RBL1: variants seen among roughly 807,000 people sequenced by gnomAD.
RBL1 encodes retinoblastoma-like protein 1.
In RBL1, 82 loss-of-function variants were observed where a neutral mutation model predicts 123.0. The observed-to-expected ratio is 0.67, with a 90% CI of 0.56 to 0.80. The LOEUF is 0.80. Ranked by LOEUF, RBL1 falls within the 30% of genes least tolerant of loss-of-function variation. The pLI, the probability that RBL1 is intolerant of heterozygous loss-of-function variation, is 0.00. For synonymous variants in RBL1, 405 were observed against 441.3 expected, an observed-to-expected ratio of 0.92 and a Z score of 1.03; for missense variants, 1,171 against 1,299.6, an observed-to-expected ratio of 0.90 and a Z score of 1.52.
chr20:37,018,959 A>G (rs967241615), intron 18 of RBL1, among the ~76,000 whole-genome samples: 31 of 152,262 alleles, frequency 2.0e-4, no homozygotes, highest in Non-Finnish European at 7.4e-5. Context: ...ATACAAAACA[A>G]AATAAAACAA....
intron 3 of RBL1, 33 bp downstream of exon 3, chr20:37,067,953 T>C: frequency 3.8e-6 from 6 of 1,593,040 alleles, no homozygotes; most frequent in Non-Finnish European, 5.1e-6. Context: ...TATCATAATC[T>C]TTATGTCAAT....
intron 1 of RBL1, among the ~76,000 whole-genome samples, chr20:37,090,783 G>A (rs962561887): frequency 3.9e-5 from 6 of 152,118 alleles, no homozygotes; most frequent in African/African-American, 1.4e-4. Flanking sequence ...ACTAAATACT[G>A]TTGGTAAATG....
rs1476043222 is a variant in RBL1, at chr20:37,068,030, A to G, written c.447T>C (p.Asn149=). 1 of 1,613,636 alleles carries G rather than the reference A, an allele frequency of 6.2e-7. No individual in the cohort carries two copies. The change falls in exon 3 of 22, where the codon AAT becomes AAC. Residue 149 remains asparagine (N), a synonymous_variant. Transcript: ENST00000373664. ...YEPIFLDIFQ[N]PYEEPPKLPR... ...GTAACTTTGGTGGTTCTTCATATGG[A>G]TTTTGAAATATATCTAAAAAAATTG...
intron 21 of RBL1, 122 bp from the exon 22 acceptor site, chr20:36,999,051 G>T (rs1293376934): frequency 3.3e-6 from 3 of 908,830 alleles, no homozygotes; most frequent in Admixed American, 2.8e-5. Flanking sequence ...CTGGGATAAG[G>T]ACTCTTTTTA....
At chr20:37,036,212 T>G (rs1022919815) in intron 14 of RBL1, among the ~76,000 whole-genome samples, 1 of 152,208 alleles carries the variant, frequency 6.6e-6, no homozygotes, top group South Asian at 2.1e-4. Flanking sequence ...TCTACATCTT[T>G]TTTCACAATT....
intron 2 of RBL1, among the ~76,000 whole-genome samples, chr20:37,086,512 C>G (rs1461635942): frequency 6.6e-6 from 1 of 151,804 alleles, no homozygotes; most frequent in African/African-American, 2.4e-5. Context: ...TGCACTCCAG[C>G]CGGGGCAACA....
intron 2 of RBL1, among the ~76,000 whole-genome samples, chr20:37,083,008 T>A (rs2065476378): frequency 1.3e-5 from 2 of 151,876 alleles, no homozygotes; most frequent in Admixed American, 1.3e-4. Context: ...ACTCAAATAA[T>A]AATAAAAGTT....
intron 2 of RBL1, among the ~76,000 whole-genome samples, chr20:37,074,066 G>A (rs1367178092): frequency 6.6e-6 from 1 of 151,932 alleles, no homozygotes; most frequent in Non-Finnish European, 1.5e-5. Flanking sequence ...AGCTGAGATC[G>A]CGCCACTGCA....
chr20:37,085,677 G>A (rs1327917482), intron 2 of RBL1, among the ~76,000 whole-genome samples: 7 of 111,988 alleles, frequency 6.3e-5, no homozygotes, highest in Admixed American at 1.2e-4. Context: ...TTTTTGAGAC[G>A]GAGTCTCACT....
chr20:37,028,512 G>C (rs946984699), intron 16 of RBL1, among the ~76,000 whole-genome samples: 6 of 152,080 alleles, frequency 3.9e-5, no homozygotes, highest in Non-Finnish European at 7.3e-5. Flanking sequence ...TTGGGTAACA[G>C]AGCAAGACCT....
At chr20:37,064,808 C>G (rs1472710803) in intron 7 of RBL1, among the ~76,000 whole-genome samples, 1 of 152,102 alleles carries the variant, frequency 6.6e-6, no homozygotes. Flanking sequence ...TGCGGTTTCA[C>G]CATGTTGGCC....
intron 18 of RBL1, among the ~76,000 whole-genome samples, chr20:37,019,040 C>CT (rs1415051344): frequency 2.6e-5 from 4 of 151,550 alleles, no homozygotes; most frequent in African/African-American, 7.3e-5. Flanking sequence ...ATCAATTGGT[C>CT]TTTTTTTTCT....
rs748199638 is a variant in RBL1, at chr20:36,998,847, T to C, written c.3119A>G (p.Glu1040Gly). 1.2e-6 allele frequency: 2 copies of C among 1,613,388 alleles called. No individual in the cohort carries two copies. The highest frequency in any genetic ancestry group is 8.5e-7 in the Non-Finnish European group (1 of 1,179,366). ...TTGACAGACGCGTTTGGCAGGGGATTCTGCATCACTATCGATGGCTATTAC... is the reference window on the plus strand; with the variant it reads ...TTGACAGACGCGTTTGGCAGGGGATCCTGCATCACTATCGATGGCTATTAC... ...KRVIAIDSDA[E>G]SPAKRVCQEN... Residue 1040 changes from glutamate (E) to glycine (G), a missense_variant, in exon 22 of 22, where the codon GAA (glutamate) becomes GGA (glycine). Transcript: ENST00000373664.
rs923766823 is a variant in RBL1, at chr20:37,040,158, C to T, written c.1898G>A (p.Arg633Gln). The change falls in exon 14 of 22, where the codon CGA becomes CAA. Residue 633 changes from arginine (R) to glutamine (Q), a missense_variant. Transcript: ENST00000373664. ...TTTACCAATGTTGAACCTACCTCTT[C>T]GAAGACTCCCACTGTCAGTTCGAAC... ...KEVRTDSGSL[R>Q]RDMQPLSPIS... 6 of 1,613,250 alleles carry T rather than the reference C, an allele frequency of 3.7e-6. No individual in the cohort carries two copies. The highest frequency in any genetic ancestry group is 3.3e-5 in the Admixed American group (2 of 59,840).
chr20:37,027,630 C>T (rs2064447500), intron 16 of RBL1, among the ~76,000 whole-genome samples: 1 of 152,174 alleles, frequency 6.6e-6, no homozygotes, highest in Non-Finnish European at 1.5e-5. Flanking sequence ...AGAGATAGGA[C>T]AAATTCAAGT....
chr20:37,055,410 T>G, intron 11 of RBL1, 143 bp downstream of exon 11: 1 of 1,209,240 alleles, frequency 8.3e-7, no homozygotes. Context: ...TAGCCTTGCA[T>G]GTGCTAAAGT....
At chr20:37,034,365 GA>G (rs1031523571) in intron 15 of RBL1, among the ~76,000 whole-genome samples, 2 of 151,234 alleles carry the variant, frequency 1.3e-5, no homozygotes, top group African/African-American at 4.9e-5. Context: ...AAATTTATTG[GA>G]AAAAAAAGCA....
intron 2 of RBL1, among the ~76,000 whole-genome samples, chr20:37,072,305 C>T (rs2065294522): frequency 6.6e-6 from 1 of 152,106 alleles, no homozygotes; most frequent in African/African-American, 2.4e-5. Flanking sequence ...CCTGTCTCTA[C>T]TAAAAATACA....
At position 37,062,280 on chromosome 20, in the gene RBL1, G is replaced by T; in HGVS notation, c.897-10C>A. 6.2e-7 allele frequency: 1 copy of T among 1,612,716 alleles called. No individual in the cohort carries two copies. Among genetic ancestry groups the T allele is most frequent in the African/African-American group, 1.3e-5 (1 of 74,980 alleles). Reference sequence around the variant, plus strand: ...CTTATTCACTGCTTTGCTGCAAAGAGAATTATTATAAGCTGTAATACTAAG... The same window carrying T: ...CTTATTCACTGCTTTGCTGCAAAGATAATTATTATAAGCTGTAATACTAAG... On this transcript the variant is annotated splice_polypyrimidine_tract_variant and intron_variant, in intron 7 of 21. Coordinates refer to ENST00000373664, the MANE Select transcript of RBL1 (RefSeq NM_002895.5).
Sources: gnomAD v4.1 joint callset for allele counts (sites outside exome capture counted in the v4.1 genomes callset) on GRCh38, gnomAD v4.1.1 for gene constraint, MANE v1.5 for transcripts, NCBI Gene and HGNC (gene_info 2026-07-23, HGNC 2026-07-21) for gene names.